Variants in FBN2 observed in about 807,000 individuals in gnomAD.
FBN2 encodes fibrillin 2.
In FBN2, 105 loss-of-function variants were observed where a neutral mutation model predicts 355.6. The ratio of observed to expected loss-of-function variants is 0.30; its 90% confidence interval spans 0.25 to 0.35. FBN2 has a LOEUF of 0.35. FBN2 is among the 10% of genes least tolerant of loss of function. FBN2 has a pLI of 1.00. For synonymous variants in FBN2, 1,350 were observed against 1,301.2 expected (o/e 1.04, Z -0.81); for missense variants, 3,280 against 3,758.7 (o/e 0.87, Z 3.33).
rs1397595806 is a variant in FBN2, at chr5:128,386,728, T to C, written c.1603+5290A>G. 5.3e-4 allele frequency among the ~76,000 whole-genome samples: 81 copies of C among 152,136 alleles called. 1 individual carries two copies. Among genetic ancestry groups the C allele is most frequent in the Non-Finnish European group, 1.5e-5 (1 of 67,986 alleles). On this transcript the variant is annotated intron_variant, in intron 11 of 64. Coordinates refer to ENST00000262464, the MANE Select transcript of FBN2 (RefSeq NM_001999.4). Reference sequence around the variant, plus strand: ...TGAAAGAAATCAGAGATAAAATCTCTAATAAAATACATTTATTGATTTGCA... The same window carrying C: ...TGAAAGAAATCAGAGATAAAATCTCCAATAAAATACATTTATTGATTTGCA...
rs187802729 is a variant in FBN2, at chr5:128,465,723, T to C, written c.629-802A>G. The stretch of plus-strand genomic sequence containing the variant: ...GACTGTACATTGTCCAGCTCTGTTA[T>C]GGTGATAACAAAAGCCTTAGTAAAT... On this transcript the variant is annotated intron_variant, in intron 5 of 64. Coordinates refer to ENST00000262464, the MANE Select transcript of FBN2 (RefSeq NM_001999.4). Among the ~76,000 whole-genome samples the C allele has an allele frequency of 3.3e-5, 5 of 152,330 alleles. No homozygotes were observed. The East Asian group carries it at 7.7e-4, about 23-fold the overall frequency.
chr5:128,261,347 T>A (rs993608098), intron 64 of FBN2, among the ~76,000 whole-genome samples: 1 of 152,234 alleles, frequency 6.6e-6, no homozygotes, highest in African/African-American at 2.4e-5. Context: ...GAGACCTACT[T>A]GGTTTCCCTA....
intron 6 of FBN2, among the ~76,000 whole-genome samples, chr5:128,463,445 T>G (rs1361586387): frequency 1.3e-5 from 2 of 152,166 alleles, no homozygotes; most frequent in African/African-American, 4.8e-5. Context: ...TGAGCTTTCA[T>G]ATGTGATTAA....
chr5:128,344,571 TTTAAG>T, intron 24 of FBN2, 61 bp from the exon 25 acceptor site: 1 of 1,555,228 alleles, frequency 6.4e-7, no homozygotes, highest in East Asian at 2.2e-5. Flanking sequence ...GGTCCATCAC[TTTAAG>T]TTAAAAATCT....
intron 19 of FBN2, 57 bp downstream of exon 19, chr5:128,361,666 T>A: frequency 4.4e-6 from 7 of 1,592,016 alleles, no homozygotes; most frequent in Middle Eastern, 1.7e-4. Flanking sequence ...GTAATTGATG[T>A]TTATACAACT....
chr5:128,506,774 ATTCTC>A (rs1462054019), intron 5 of FBN2, among the ~76,000 whole-genome samples: 1 of 152,038 alleles, frequency 6.6e-6, no homozygotes, highest in Non-Finnish European at 1.5e-5. Flanking sequence ...TGTTGAGGAA[ATTCTC>A]TTCTATTCTT....
chr5:128,464,589 C>A, intron 6 of FBN2, 135 bp downstream of exon 6: 1 of 868,946 alleles, frequency 1.2e-6, no homozygotes, highest in South Asian at 1.4e-5. Context: ...CTTCTCTGGT[C>A]AGGGTTGTTA....
chr5:128,382,759 G>A (rs143458083), intron 11 of FBN2, among the ~76,000 whole-genome samples: 9 of 152,042 alleles, frequency 5.9e-5, no homozygotes, highest in Non-Finnish European at 8.8e-5. Context: ...AGATTCTATC[G>A]ATTAACCTCC....
rs145683433 is a variant in FBN2, at chr5:128,347,421, G to A, written c.2990-1837C>T. Among the ~76,000 whole-genome samples the A allele has an allele frequency of 2.4e-4, 37 of 152,276 alleles. No homozygotes were observed. The East Asian group carries it at 6.6e-3, about 27-fold the overall frequency. ...GCCACATAAGGCCTATCAATGCTGC[G>A]ATTGTCCTTGCATGGAAATTAAAAT... is the stretch of plus-strand genomic sequence containing the variant. On this transcript the variant is annotated intron_variant, in intron 23 of 64. Coordinates refer to ENST00000262464, the MANE Select transcript of FBN2 (RefSeq NM_001999.4).
chr5:128,274,791 A>T (rs1765348140), intron 59 of FBN2, 108 bp from the exon 60 acceptor site: 2 of 781,226 alleles, frequency 2.6e-6, no homozygotes, highest in Non-Finnish European at 4.6e-6. Flanking sequence ...CATTTTGTCT[A>T]GATTTTTGCT....
At chr5:128,307,039 T>C (rs1041741490) in intron 42 of FBN2, 96 bp downstream of exon 42, 1 of 815,482 alleles carries the variant, frequency 1.2e-6, no homozygotes, top group Non-Finnish European at 2.1e-6. Context: ...CAGATTATTA[T>C]ATTTTGTGGT....
intron 48 of FBN2, among the ~76,000 whole-genome samples, chr5:128,295,912 G>C (rs1435821937): frequency 7.0e-6 from 1 of 142,576 alleles, no homozygotes. Flanking sequence ...CCTGTCTTGT[G>C]CCAGTTTTCA....
intron 19 of FBN2, among the ~76,000 whole-genome samples, chr5:128,360,561 CT>C (rs904630245): frequency 1.9e-4 from 28 of 148,900 alleles, no homozygotes; most frequent in Middle Eastern, 3.4e-3. Flanking sequence ...CTGAAGTTTT[CT>C]TTTTTTTTTC....
intron 48 of FBN2, among the ~76,000 whole-genome samples, chr5:128,297,617 T>C (rs1340401586): frequency 6.6e-6 from 1 of 152,226 alleles, no homozygotes; most frequent in Non-Finnish European, 1.5e-5. Flanking sequence ...TTTTGATCTT[T>C]GTTGGTTTAA....
chr5:128,532,494 G>A (rs1415633777), intron 2 of FBN2, among the ~76,000 whole-genome samples: 1 of 152,144 alleles, frequency 6.6e-6, no homozygotes. Flanking sequence ...CCATAATTGA[G>A]TTCTCTCTTT....
chr5:128,401,461 A>C (rs1752796250), intron 8 of FBN2, among the ~76,000 whole-genome samples: 1 of 152,186 alleles, frequency 6.6e-6, no homozygotes, highest in Admixed American at 6.5e-5. Flanking sequence ...TACATTTTTT[A>C]TGTTAAAGAG....
intron 34 of FBN2, among the ~76,000 whole-genome samples, chr5:128,325,673 G>C (rs1261870785): frequency 1.3e-5 from 2 of 152,050 alleles, no homozygotes; most frequent in Non-Finnish European, 2.9e-5. Flanking sequence ...CTTTTTTCTA[G>C]TTGATTTTTT....
intron 48 of FBN2, 67 bp from the exon 49 acceptor site, chr5:128,291,721 A>T: frequency 2.2e-6 from 3 of 1,378,160 alleles, no homozygotes; most frequent in Non-Finnish European, 3.1e-6. Context: ...CCATACTATC[A>T]CTGTCCACTA....
At chr5:128,497,729 C>T (rs17677453) in intron 5 of FBN2, among the ~76,000 whole-genome samples, 75,562 of 151,924 alleles carry the variant, frequency 0.5, 22,043 homozygotes, top group African/African-American at 0.82. Flanking sequence ...TTCCTGGTAA[C>T]GTGATAGTTA....
Sources: allele counts gnomAD v4.1 joint callset (sites outside exome capture counted in the v4.1 genomes callset), GRCh38; gene constraint gnomAD v4.1.1; transcripts MANE v1.5; gene names NCBI Gene and HGNC (gene_info 2026-07-23, HGNC 2026-07-21).